Variants in CDK14 observed in about 807,000 individuals in gnomAD.
CDK14 encodes cyclin-dependent kinase 14.
A neutral mutation model predicts 60.7 loss-of-function variants in CDK14; 34 were observed. That is an observed-to-expected ratio of 0.56 (90% CI 0.43 to 0.75). The LOEUF (loss-of-function observed/expected upper bound fraction) is 0.75, where lower values mean the gene tolerates loss of function less well. Among genes scored for constraint, CDK14 ranks in the 30% least tolerant of loss-of-function variants. The probability of loss-of-function intolerance (pLI) is 0.00; values close to 1 mark genes in which losing one functional copy is unlikely to be tolerated. For synonymous variants in CDK14, 197 were observed against 203.7 expected (o/e 0.97, Z 0.28); for missense variants, 482 against 564.1 (o/e 0.85, Z 1.47).
At chr7:91,145,140 G>A (rs1800587122) in intron 14 of CDK14, among the ~76,000 whole-genome samples, 1 of 152,138 alleles carries the variant, frequency 6.6e-6, no homozygotes, top group South Asian at 2.1e-4. Flanking sequence ...AACACTAACT[G>A]GATACGACAG....
intron 4 of CDK14, among the ~76,000 whole-genome samples, chr7:90,789,984 T>A (rs1805759165): frequency 6.6e-6 from 1 of 151,648 alleles, no homozygotes; most frequent in African/African-American, 2.4e-5. Flanking sequence ...CTTGTAATGG[T>A]AAAATATTCA....
At chr7:91,147,162 TCACACACACACACACA>T (rs71107808) in intron 14 of CDK14, among the ~76,000 whole-genome samples, 9 of 124,746 alleles carry the variant, frequency 7.2e-5, no homozygotes, top group East Asian at 2.3e-4. Flanking sequence ...TCTCTCTCTC[TCACACACACACACACA>T]CACACACACA....
At chr7:91,058,845 G>A (rs563618163) in intron 11 of CDK14, among the ~76,000 whole-genome samples, 82 of 152,292 alleles carry the variant, frequency 5.4e-4, no homozygotes, top group African/African-American at 1.9e-3. Context: ...TGTTTATCAC[G>A]GATATTGGTC....
At chr7:90,602,104 GTGGGGTAGTGT>G (rs1799328885) in intron 1 of CDK14, among the ~76,000 whole-genome samples, 1 of 152,148 alleles carries the variant, frequency 6.6e-6, no homozygotes, top group South Asian at 2.1e-4. Flanking sequence ...ACTGCACCTG[GTGGGGTAGTGT>G]CAACTGTAGT....
intron 5 of CDK14, among the ~76,000 whole-genome samples, chr7:90,812,940 C>G (rs1284060617): frequency 6.6e-6 from 1 of 152,292 alleles, no homozygotes; most frequent in East Asian, 1.9e-4. Context: ...GAGATGAAAA[C>G]ATACTTCCAC....
chr7:91,048,739 G>T (rs1421046135), intron 11 of CDK14, among the ~76,000 whole-genome samples: 1 of 152,134 alleles, frequency 6.6e-6, no homozygotes, highest in Non-Finnish European at 1.5e-5. Flanking sequence ...GTTTTAATTT[G>T]CATGTGTCTT....
intron 12 of CDK14, among the ~76,000 whole-genome samples, chr7:91,082,150 T>C (rs953370868): frequency 2.6e-5 from 4 of 152,208 alleles, no homozygotes; most frequent in Non-Finnish European, 5.9e-5. Context: ...CAACCAAGAA[T>C]TTTAGCCACT....
intron 5 of CDK14, among the ~76,000 whole-genome samples, chr7:90,798,004 C>G (rs1176998567): frequency 6.6e-6 from 1 of 152,008 alleles, no homozygotes; most frequent in Admixed American, 6.5e-5. Flanking sequence ...TATGCCATCT[C>G]TTAAGAACTA....
chr7:90,751,596 A>G (rs1803848885), intron 4 of CDK14, among the ~76,000 whole-genome samples: 3 of 152,252 alleles, frequency 2.0e-5, no homozygotes. Flanking sequence ...CAGATTCTGT[A>G]AAGGCACTAT....
intron 10 of CDK14, among the ~76,000 whole-genome samples, chr7:90,997,643 A>G (rs1795720866): frequency 6.6e-6 from 1 of 152,220 alleles, no homozygotes; most frequent in African/African-American, 2.4e-5. Flanking sequence ...AAAATGTTTC[A>G]TGTTTGCCAA....
intron 14 of CDK14, among the ~76,000 whole-genome samples, chr7:91,189,067 CA>C (rs1203668717): frequency 6.6e-6 from 1 of 152,132 alleles, no homozygotes; most frequent in Non-Finnish European, 1.5e-5. Context: ...TTTACTTCAT[CA>C]TTAATGCTTT....
At chr7:91,062,518 G>T (rs562247026) in intron 11 of CDK14, among the ~76,000 whole-genome samples, 26 of 151,288 alleles carry the variant, frequency 1.7e-4, no homozygotes, top group African/African-American at 6.3e-4. Context: ...GACTGGAGCT[G>T]TTCCTATTCG....
intron 5 of CDK14, among the ~76,000 whole-genome samples, chr7:90,817,301 G>T (rs533137587): frequency 1.3e-5 from 2 of 152,120 alleles, no homozygotes; most frequent in Non-Finnish European, 2.9e-5. Context: ...TCAAGTCCTT[G>T]AGTATACCCG....
At chr7:91,197,656 G>C (rs965267655) in intron 14 of CDK14, among the ~76,000 whole-genome samples, 1 of 152,134 alleles carries the variant, frequency 6.6e-6, no homozygotes, top group African/African-American at 2.4e-5. Context: ...TATCTTTCAG[G>C]CACTTTTATT....
Position 90,889,434 on chromosome 7 carries a change from A to G in CDK14, c.640-9857A>G, listed in dbSNP as rs1005276314. ...GGAAATGCTTCCTGTTCCAGTCACC[A>G]GCCCCAGGCTGCCCGTACATTTTGG... On this transcript the variant is annotated intron_variant, in intron 6 of 14. Coordinates refer to ENST00000380050, the MANE Select transcript of CDK14 (RefSeq NM_001287135.2). Among the ~76,000 whole-genome samples the G allele has an allele frequency of 2.6e-5, 4 of 152,358 alleles. No individual in the cohort carries two copies. The East Asian group carries it at 7.7e-4, about 29-fold the overall frequency.
intron 9 of CDK14, among the ~76,000 whole-genome samples, chr7:90,971,376 CA>C (rs1290089869): frequency 6.6e-6 from 1 of 152,052 alleles, no homozygotes; most frequent in African/African-American, 2.4e-5. Flanking sequence ...TTAAGGGGAT[CA>C]GGGGAGGCTT....
At chr7:90,662,213 C>G (rs536121330) in intron 2 of CDK14, among the ~76,000 whole-genome samples, 1 of 152,290 alleles carries the variant, frequency 6.6e-6, no homozygotes, top group Non-Finnish European at 1.5e-5. Flanking sequence ...GAAAGAAATT[C>G]TGGTATCATT....
intron 14 of CDK14, among the ~76,000 whole-genome samples, chr7:91,184,204 TAAAAAA>T (rs59565390): frequency 1.1e-4 from 4 of 36,678 alleles, no homozygotes; most frequent in East Asian, 9.1e-4. Context: ...GGCTCCGTCT[TAAAAAA>T]AAAAAAAAAA....
At chr7:91,090,917 C>T (rs1335551928) in intron 12 of CDK14, among the ~76,000 whole-genome samples, 1 of 151,884 alleles carries the variant, frequency 6.6e-6, no homozygotes, top group Non-Finnish European at 1.5e-5. Context: ...AATATAGAAA[C>T]ACAACTTAGT....
Sources: allele counts gnomAD v4.1 joint callset (sites outside exome capture counted in the v4.1 genomes callset), GRCh38; gene constraint gnomAD v4.1.1; transcripts MANE v1.5; gene names NCBI Gene and HGNC (gene_info 2026-07-23, HGNC 2026-07-21).